Variants in NPSR1 observed in about 807,000 individuals in gnomAD.
NPSR1 encodes neuropeptide S receptor.
In NPSR1, 48 loss-of-function variants were observed where a neutral mutation model predicts 46.9. The ratio of observed to expected loss-of-function variants is 1.02; its 90% CI spans 0.81 to 1.30. The LOEUF (loss-of-function observed/expected upper bound fraction) is 1.30, where lower values mean the gene tolerates loss of function less well. Among genes scored for constraint, NPSR1 ranks in the 50% most tolerant of loss-of-function variants. The pLI is 0.00. For missense variants in NPSR1, 450 were observed against 449.5 expected, an observed-to-expected ratio of 1.00 and a Z score of -0.01; for synonymous variants, 176 against 168.1, an observed-to-expected ratio of 1.05 and a Z score of -0.36.
At chr7:34,811,619 G>A in intron 3 of NPSR1, 151 bp from the exon 4 acceptor site, 1 of 544,582 alleles carries the variant, frequency 1.8e-6, no homozygotes, top group Non-Finnish European at 3.2e-6. Flanking sequence ...TCTTGTCCAT[G>A]TAAGAGAGTT....
chr7:34,870,655 C>G (rs1380517743), intron 8 of NPSR1, among the ~76,000 whole-genome samples: 1 of 151,748 alleles, frequency 6.6e-6, no homozygotes, highest in Non-Finnish European at 1.5e-5. Context: ...ATATGAGCCA[C>G]AAGCATGGGG....
intron 2 of NPSR1, among the ~76,000 whole-genome samples, chr7:34,756,708 A>G (rs1785879744): frequency 2.0e-5 from 3 of 152,328 alleles, no homozygotes; most frequent in South Asian, 4.1e-4. Context: ...AGTTATTCTT[A>G]GTTTGAAAGC....
At chr7:34,788,897 A>G (rs1252600476) in intron 3 of NPSR1, among the ~76,000 whole-genome samples, 1 of 152,090 alleles carries the variant, frequency 6.6e-6, no homozygotes, top group East Asian at 1.9e-4. Flanking sequence ...GGATAATCAT[A>G]GAGTAAGCCA....
intron 3 of NPSR1, among the ~76,000 whole-genome samples, chr7:34,794,936 G>A (rs1353105247): frequency 6.6e-6 from 1 of 152,112 alleles, no homozygotes; most frequent in East Asian, 1.9e-4. Flanking sequence ...CTACTTGGGA[G>A]GTTGAGGCAG....
At chr7:34,696,511 T>C (rs1363490078) in intron 2 of NPSR1, among the ~76,000 whole-genome samples, 1 of 152,036 alleles carries the variant, frequency 6.6e-6, no homozygotes, top group East Asian at 1.9e-4. Flanking sequence ...GAAGATTGAA[T>C]GTCCTAGAAA....
intron 2 of NPSR1, among the ~76,000 whole-genome samples, chr7:34,770,312 C>T (rs1222851361): frequency 1.3e-5 from 2 of 152,192 alleles, no homozygotes; most frequent in Non-Finnish European, 2.9e-5. Flanking sequence ...ACTCACAGCT[C>T]TCAATGACTG....
At chr7:34,726,616 C>A (rs1015046233) in intron 2 of NPSR1, among the ~76,000 whole-genome samples, 6 of 152,046 alleles carry the variant, frequency 3.9e-5, no homozygotes, top group Non-Finnish European at 8.8e-5. Context: ...ACCAAAATGT[C>A]CTCAGTAGAT....
At chr7:34,701,361 A>C (rs1482510788) in intron 2 of NPSR1, among the ~76,000 whole-genome samples, 1 of 152,136 alleles carries the variant, frequency 6.6e-6, no homozygotes, top group Non-Finnish European at 1.5e-5. Context: ...CCTACAGAAA[A>C]ACTTTTTCAT....
intron 2 of NPSR1, chr7:34,704,260 G>A (rs1793992664): frequency 6.6e-6 from 1 of 152,050 alleles, no homozygotes; most frequent in Non-Finnish European, 1.5e-5. Context: ...TGAAAATATT[G>A]AAGACTGAAT....
chr7:34,728,239 C>A (rs1026649806), intron 2 of NPSR1, among the ~76,000 whole-genome samples: 4 of 152,052 alleles, frequency 2.6e-5, no homozygotes, highest in Admixed American at 6.5e-5. Flanking sequence ...ACCCCCAAAC[C>A]AAGAGCTGGA....
chr7:34,774,572 G>GT (rs1260334386), intron 2 of NPSR1, among the ~76,000 whole-genome samples: 1 of 152,068 alleles, frequency 6.6e-6, no homozygotes, highest in Non-Finnish European at 1.5e-5. Context: ...TTCTAGGAAG[G>GT]GTTTCTCAAA....
chr7:34,661,261 T>C lies in NPSR1; in HGVS notation c.147+2702T>C, dbSNP rs891964695. 3.3e-5 allele frequency among the ~76,000 whole-genome samples: 5 copies of C among 152,134 alleles called. No homozygotes were observed. In the East Asian group the frequency reaches 5.8e-4, roughly 18 times the overall value. On this transcript the variant is annotated intron_variant, in intron 1 of 8. Coordinates refer to ENST00000360581, the MANE Select transcript of NPSR1 (RefSeq NM_207172.2). Reference sequence around the variant, plus strand: ...TCCCTTTCTGCAAGCATGTTCAGCTTGTCCCTATTCCATTTCTAAGCCAAT... The same window carrying C: ...TCCCTTTCTGCAAGCATGTTCAGCTCGTCCCTATTCCATTTCTAAGCCAAT...
intron 4 of NPSR1, 147 bp downstream of exon 4, chr7:34,812,010 C>A: frequency 1.6e-6 from 1 of 615,810 alleles, no homozygotes; most frequent in Non-Finnish European, 2.8e-6. Flanking sequence ...TCTTCCACCT[C>A]TTTCCTCACT....
chr7:34,790,939 A>ATATGTTATATGT (rs1297599383), intron 3 of NPSR1, among the ~76,000 whole-genome samples: 1 of 126,806 alleles, frequency 7.9e-6, no homozygotes, highest in Non-Finnish European at 1.6e-5. Context: ...ATGTTATATT[A>ATATGTTATATGT]TATATCATAT....
At chr7:34,666,270 G>GA (rs1791746792) in intron 1 of NPSR1, among the ~76,000 whole-genome samples, 2 of 152,188 alleles carry the variant, frequency 1.3e-5, no homozygotes, top group Non-Finnish European at 2.9e-5. Flanking sequence ...AAAGGGAAAG[G>GA]AAAAGAGAAC....
chr7:34,842,171 G>T (rs1460474474), intron 6 of NPSR1, among the ~76,000 whole-genome samples: 1 of 152,220 alleles, frequency 6.6e-6, no homozygotes, highest in Admixed American at 6.5e-5. Flanking sequence ...AAGTAACTCT[G>T]TGAGTTAGGT....
At chr7:34,689,600 G>C (rs1315111816) in intron 2 of NPSR1, among the ~76,000 whole-genome samples, 1 of 27,848 alleles carries the variant, frequency 3.6e-5, no homozygotes, top group Non-Finnish European at 5.6e-5. Flanking sequence ...GCCAGACTCT[G>C]TCTCAAAAAA....
intron 2 of NPSR1, among the ~76,000 whole-genome samples, chr7:34,731,009 A>G (rs2128713643): frequency 6.6e-6 from 1 of 152,366 alleles, no homozygotes; most frequent in South Asian, 2.1e-4. Context: ...AAAGAATTTC[A>G]ATAACTCGCA....
intron 3 of NPSR1, among the ~76,000 whole-genome samples, chr7:34,795,739 G>T (rs1788143380): frequency 6.6e-6 from 1 of 152,056 alleles, no homozygotes; most frequent in Non-Finnish European, 1.5e-5. Context: ...TACGAAACTT[G>T]AATGAAAGTA....
Sources: gnomAD v4.1 joint callset for allele counts (sites outside exome capture counted in the v4.1 genomes callset) on GRCh38, gnomAD v4.1.1 for gene constraint, MANE v1.5 for transcripts, NCBI Gene and HGNC (gene_info 2026-07-23, HGNC 2026-07-21) for gene names.